The following HEMK2 variants were observed in gnomAD, a reference collection of about 807,000 sequenced individuals.
HEMK2 encodes methyltransferase HEMK2.
At chr21:28,725,253 T>G in the HEMK2 span, among the ~76,000 whole-genome samples, 1 of 152,168 alleles carries the variant, frequency 6.6e-6, no homozygotes, top group Non-Finnish European at 1.5e-5. Context: ...ATCTATTCCA[T>G]GTAAGTAAGT....
chr21:28,873,742 T>G, the HEMK2 span: 1 of 152,232 alleles, frequency 6.6e-6, no homozygotes, highest in African/African-American at 2.4e-5. Flanking sequence ...GTAACTCATT[T>G]GTCTATTGAG....
chr21:28,879,853 TTTG>T, the HEMK2 span: 1 of 1,515,666 alleles, frequency 6.6e-7, no homozygotes, highest in Non-Finnish European at 8.9e-7. Context: ...ATAATTAAAT[TTTG>T]TTGTATGTTT....
At chr21:28,802,922 T>TA in the HEMK2 span, among the ~76,000 whole-genome samples, 1 of 152,192 alleles carries the variant, frequency 6.6e-6, no homozygotes, top group East Asian at 1.9e-4. Flanking sequence ...ATTTATACAC[T>TA]AGATCATCTA....
chr21:28,868,600 C>A, the HEMK2 span, among the ~76,000 whole-genome samples: 1 of 152,116 alleles, frequency 6.6e-6, no homozygotes, highest in Non-Finnish European at 1.5e-5. Context: ...GAGAGGATTG[C>A]CTAAGCTTGT....
chr21:28,791,625 T>C, the HEMK2 span, among the ~76,000 whole-genome samples: 1 of 152,150 alleles, frequency 6.6e-6, no homozygotes, highest in African/African-American at 2.4e-5. Context: ...TCTACTAGCA[T>C]TTTGTGTCAG....
chr21:28,868,714 C>T, the HEMK2 span, among the ~76,000 whole-genome samples: 8 of 152,260 alleles, frequency 5.3e-5, no homozygotes, highest in South Asian at 2.1e-4. Context: ...AATCAAATTG[C>T]ATGTTAGTCC....
At chr21:28,781,479 G>A in the HEMK2 span, among the ~76,000 whole-genome samples, 1 of 130 alleles carries the variant, frequency 7.7e-3, no homozygotes, top group Admixed American at 0.083. Context: ...CAATAATCTT[G>A]AAGGATTTCA....
the HEMK2 span, among the ~76,000 whole-genome samples, chr21:28,735,672 G>C: frequency 9.8e-5 from 15 of 152,294 alleles, no homozygotes; most frequent in African/African-American, 3.6e-4. Flanking sequence ...TTTGTTGGTT[G>C]ATTGGTTTCA....
chr21:28,783,175 C>T, the HEMK2 span, among the ~76,000 whole-genome samples: 43 of 152,170 alleles, frequency 2.8e-4, no homozygotes, highest in African/African-American at 8.7e-4. Context: ...ACACCTTATA[C>T]GCATAGCCTG....
the HEMK2 span, among the ~76,000 whole-genome samples, chr21:28,882,822 G>A: frequency 6.6e-6 from 1 of 152,182 alleles, no homozygotes; most frequent in African/African-American, 2.4e-5. Context: ...GTATGATGGA[G>A]CAGTTTGAAC....
At chr21:28,594,977 T>C in the HEMK2 span, among the ~76,000 whole-genome samples, 3 of 152,240 alleles carry the variant, frequency 2.0e-5, no homozygotes, top group African/African-American at 7.2e-5. Context: ...ATCAATTATT[T>C]CCATTATATT....
chr21:28,736,267 G>A, the HEMK2 span, among the ~76,000 whole-genome samples: 1 of 152,166 alleles, frequency 6.6e-6, no homozygotes, highest in African/African-American at 2.4e-5. Context: ...GAAATGTCAG[G>A]CCCACACTGT....
chr21:28,591,956 G>A, the HEMK2 span, among the ~76,000 whole-genome samples: 2 of 152,148 alleles, frequency 1.3e-5, no homozygotes, highest in Non-Finnish European at 2.9e-5. Context: ...TACTATTGAT[G>A]GGTTTTTAGG....
At chr21:28,580,829 T>A in the HEMK2 span, among the ~76,000 whole-genome samples, 1 of 152,306 alleles carries the variant, frequency 6.6e-6, no homozygotes, top group South Asian at 2.1e-4. Flanking sequence ...GCTTTCTGTA[T>A]AGGTGTTTCC....
the HEMK2 span, among the ~76,000 whole-genome samples, chr21:28,739,556 T>C: frequency 6.6e-6 from 1 of 152,136 alleles, no homozygotes; most frequent in East Asian, 1.9e-4. Context: ...AACTAAATCT[T>C]CAATATTAAA....
At chr21:28,863,185 G>T in the HEMK2 span, among the ~76,000 whole-genome samples, 2 of 151,864 alleles carry the variant, frequency 1.3e-5, no homozygotes, top group African/African-American at 4.8e-5. Context: ...CCAATCAGCT[G>T]CCAGCATGGC....
At chr21:28,709,292 T>A in the HEMK2 span, among the ~76,000 whole-genome samples, 218 of 152,350 alleles carry the variant, frequency 1.4e-3, 1 homozygote, top group African/African-American at 4.7e-3. Flanking sequence ...AGAGTTAATA[T>A]GGAGGCAAAT....
chr21:28,734,587 T>A, the HEMK2 span, among the ~76,000 whole-genome samples: 1 of 152,182 alleles, frequency 6.6e-6, no homozygotes, highest in Non-Finnish European at 1.5e-5. Context: ...GAAGGTGCAG[T>A]GAGGAACTTT....
At chr21:28,761,659 C>G in the HEMK2 span, among the ~76,000 whole-genome samples, 1 of 149,716 alleles carries the variant, frequency 6.7e-6, no homozygotes, top group African/African-American at 2.5e-5. Flanking sequence ...ACTGTATAAA[C>G]TGGCCTGGGA....
Sources: gnomAD v4.1 joint callset for allele counts (sites outside exome capture counted in the v4.1 genomes callset) on GRCh38, gnomAD v4.1.1 for gene constraint, MANE v1.5 for transcripts, NCBI Gene and HGNC (gene_info 2026-07-23, HGNC 2026-07-21) for gene names.